The following FLT3 variants were observed in gnomAD, a reference collection of about 807,000 sequenced individuals.
FLT3 encodes fms related receptor tyrosine kinase 3.
Under a neutral mutation model 126.6 loss-of-function variants are expected in FLT3, and 46 were observed. The ratio of observed to expected loss-of-function variants is 0.36; its 90% CI spans 0.29 to 0.46. The LOEUF is 0.46. Among genes scored for constraint, FLT3 ranks in the 20% least tolerant of loss-of-function variants. The pLI is 1.00. For missense variants in FLT3, 1,069 were observed against 1,190.3 expected, an observed-to-expected ratio of 0.90 and a Z score of 1.50; for synonymous variants, 404 against 434.4, an observed-to-expected ratio of 0.93 and a Z score of 0.87.
intron 1 of FLT3, among the ~76,000 whole-genome samples, chr13:28,093,300 G>C (rs770138994): frequency 6.6e-6 from 1 of 150,650 alleles, no homozygotes; most frequent in Non-Finnish European, 1.5e-5. Context: ...GGGCTCAAGC[G>C]AGCCTCCCAT....
intron 1 of FLT3, among the ~76,000 whole-genome samples, chr13:28,075,291 C>T (rs971816807): frequency 2.6e-5 from 4 of 151,942 alleles, no homozygotes; most frequent in African/African-American, 9.7e-5. Context: ...TTGAAATGTT[C>T]CCAACACATA....
intron 23 of FLT3, among the ~76,000 whole-genome samples, chr13:28,011,721 CTT>C (rs1871399662): frequency 1.5e-5 from 2 of 134,202 alleles, no homozygotes; most frequent in Non-Finnish European, 3.2e-5. Context: ...CTCTTTCTTT[CTT>C]TCTCTCTTTC....
chr13:28,059,943 A>G (rs1479271060), intron 3 of FLT3, among the ~76,000 whole-genome samples: 1 of 151,020 alleles, frequency 6.6e-6, no homozygotes, highest in Non-Finnish European at 1.5e-5. Context: ...CTGGCAATAG[A>G]GCAAGACTCT....
rs920161891 is a variant in FLT3 at position 28,043,274 on chromosome 13, A to G, written c.1205+5001T>C. Among the ~76,000 whole-genome samples the G allele has an allele frequency of 5.9e-5, 9 of 152,206 alleles. No individual in the cohort carries two copies. In the East Asian group the frequency reaches 1.5e-3, roughly 26 times the overall value. ...GTCTGTAGAGATAGGAAATTATACA[A>G]ACTAATGGGTGAAATATCCTGGAAA... On this transcript the variant is annotated intron_variant, in intron 9 of 23. Transcript: ENST00000241453.
At chr13:28,083,404 T>C (rs926550000) in intron 1 of FLT3, among the ~76,000 whole-genome samples, 1 of 152,218 alleles carries the variant, frequency 6.6e-6, no homozygotes, top group African/African-American at 2.4e-5. Context: ...TGTTAAAATA[T>C]TACTAAGGAT....
At position 28,090,839 on chromosome 13, in the gene FLT3, C is replaced by T. The variant is rs545072069; in HGVS notation, c.43+9629G>A. Among the ~76,000 whole-genome samples the T allele has an allele frequency of 2.6e-4, 40 of 152,238 alleles. No individual in the cohort carries two copies. In the South Asian group the frequency reaches 4.8e-3, roughly 18 times the overall value. On this transcript the variant is annotated intron_variant, in intron 1 of 23. Coordinates refer to ENST00000241453, the MANE Select transcript of FLT3 (RefSeq NM_004119.3). ...ATTTGCCACCATCAATATTAAGGTT[C>T]TTTCCAAAAATTCATTCTAAAACCT...
At chr13:28,053,832 C>T (rs1198783812) in intron 4 of FLT3, among the ~76,000 whole-genome samples, 1 of 150,972 alleles carries the variant, frequency 6.6e-6, no homozygotes, top group Non-Finnish European at 1.5e-5. Flanking sequence ...CATTTTCTTG[C>T]AGTAGACATT....
intron 19 of FLT3, among the ~76,000 whole-genome samples, chr13:28,019,547 T>A (rs931559223): frequency 6.6e-6 from 1 of 152,174 alleles, no homozygotes; most frequent in African/African-American, 2.4e-5. Context: ...CCATGAACAC[T>A]GGCAGCCCTG....
chr13:28,091,516 C>G (rs926668610), intron 1 of FLT3, among the ~76,000 whole-genome samples: 1 of 151,958 alleles, frequency 6.6e-6, no homozygotes, highest in Admixed American at 6.6e-5. Flanking sequence ...CCACCGCGCC[C>G]GGCCCCCCAT....
At position 28,081,732 on chromosome 13, in the gene FLT3, T is replaced by C. The variant is rs942256313; in HGVS notation, c.44-11120A>G. Reference sequence around the variant, plus strand: ...TACTATGAAGTATAATATTAGCTATTGGTTTTTCATAGATACCCTTAATTA... The same window carrying C: ...TACTATGAAGTATAATATTAGCTATCGGTTTTTCATAGATACCCTTAATTA... On this transcript the variant is annotated intron_variant, in intron 1 of 23. Transcript: ENST00000241453. Among the ~76,000 whole-genome samples, 4 of 152,208 alleles carry C rather than the reference T, an allele frequency of 2.6e-5. No homozygotes were observed. In the East Asian group the frequency reaches 7.7e-4, roughly 29 times the overall value.
chr13:28,008,307 G>T (rs1388999314), intron 23 of FLT3, among the ~76,000 whole-genome samples: 3 of 140,378 alleles, frequency 2.1e-5, no homozygotes, highest in Non-Finnish European at 4.7e-5. Flanking sequence ...AGGAAAAAAA[G>T]GTTAGCTATT....
At chr13:28,071,387 T>C (rs766131283) in intron 1 of FLT3, among the ~76,000 whole-genome samples, 4 of 152,152 alleles carry the variant, frequency 2.6e-5, no homozygotes, top group Non-Finnish European at 4.4e-5. Context: ...TTCAAAATTA[T>C]GTGCCTTCCT....
At chr13:28,053,397 G>GATATATATATATATAT (rs10522717) in intron 4 of FLT3, among the ~76,000 whole-genome samples, 13,549 of 133,736 alleles carry the variant, frequency 0.1, 870 homozygotes, top group Non-Finnish European at 0.14. Context: ...TGTACTGTTT[G>GATATATATATATATAT]ATATATATAT....
intron 15 of FLT3, among the ~76,000 whole-genome samples, chr13:28,029,490 T>C (rs996269437): frequency 6.6e-6 from 1 of 152,162 alleles, no homozygotes; most frequent in Non-Finnish European, 1.5e-5. Flanking sequence ...CCTACCAAAA[T>C]AAAAATCCTT....
intron 4 of FLT3, among the ~76,000 whole-genome samples, chr13:28,056,802 C>T (rs1876044612): frequency 6.6e-6 from 1 of 152,190 alleles, no homozygotes; most frequent in Non-Finnish European, 1.5e-5. Flanking sequence ...TCCTCAGTCA[C>T]CTTAGCCACC....
At chr13:28,094,611 T>C (rs1879336138) in intron 1 of FLT3, among the ~76,000 whole-genome samples, 1 of 152,150 alleles carries the variant, frequency 6.6e-6, no homozygotes, top group African/African-American at 2.4e-5. Context: ...GCTATCCTCT[T>C]ATCTCAGCCT....
intron 1 of FLT3, among the ~76,000 whole-genome samples, chr13:28,091,336 C>T (rs1376506616): frequency 2.0e-5 from 3 of 147,256 alleles, no homozygotes; most frequent in Non-Finnish European, 4.5e-5. Flanking sequence ...ATTCTCCTGC[C>T]TCAGCCTCCC....
chr13:28,096,793 A>G (rs1879482777), intron 1 of FLT3, among the ~76,000 whole-genome samples: 1 of 152,204 alleles, frequency 6.6e-6, no homozygotes, highest in Admixed American at 6.5e-5. Flanking sequence ...AAGGTTTAAT[A>G]AAAGAAAGCA....
At position 28,028,239 on chromosome 13, in the gene FLT3, C is replaced by G. The variant is rs758906408; in HGVS notation, c.1992G>C (p.Met664Ile). 15 of 1,612,136 alleles carry G rather than the reference C, an allele frequency of 9.3e-6. No individual in the cohort carries two copies. The highest frequency in any genetic ancestry group is 6.7e-5 in the Admixed American group (4 of 59,992). ...EREALMSELK[M>I]MTQLGSHENI... The stretch of plus-strand genomic sequence containing the variant: ...TCTCGTGGCTTCCCAGCTGGGTCAT[C>G]ATCTTGAGTTCTGACATGAGTGCCT... Residue 664 changes from methionine (M) to isoleucine (I), a missense_variant, in exon 16 of 24, where the codon ATG (methionine) becomes ATC (isoleucine). Met to Ile is a conservative substitution (Grantham distance 10). Transcript: ENST00000241453.
Sources: gnomAD v4.1 joint callset for allele counts (sites outside exome capture counted in the v4.1 genomes callset) on GRCh38, gnomAD v4.1.1 for gene constraint, MANE v1.5 for transcripts, NCBI Gene and HGNC (gene_info 2026-07-23, HGNC 2026-07-21) for gene names.